CD38: variants seen among roughly 807,000 people sequenced by gnomAD.
CD38 encodes the protein ADP-ribosyl cyclase/cyclic ADP-ribose hydrolase 1.
A neutral mutation model predicts 36.3 loss-of-function variants in CD38; 31 were observed. That is an observed-to-expected ratio of 0.85 (90% confidence interval 0.64 to 1.15). The LOEUF is 1.15. Among genes scored for constraint, CD38 ranks in the 50% most tolerant of loss-of-function variants. The pLI, the probability that CD38 is intolerant of heterozygous loss-of-function variation, is 0.00. For missense variants in CD38, 380 were observed against 371.9 expected (o/e 1.02, Z -0.18); for synonymous variants, 131 against 135.2 (o/e 0.97, Z 0.22).
intron 1 of CD38, among the ~76,000 whole-genome samples, chr4:15,786,034 C>T (rs1722815150): frequency 6.6e-6 from 1 of 152,160 alleles, no homozygotes; most frequent in African/African-American, 2.4e-5. Flanking sequence ...TTGTTCGTTC[C>T]TCCTGGTGGG....
At chr4:15,787,436 C>A (rs9990613) in intron 1 of CD38, among the ~76,000 whole-genome samples, 1 of 152,004 alleles carries the variant, frequency 6.6e-6, no homozygotes, top group Non-Finnish European at 1.5e-5. Context: ...ACCTGCCATG[C>A]TGGTGTTTGG....
intron 2 of CD38, among the ~76,000 whole-genome samples, chr4:15,820,894 T>G (rs1431111934): frequency 1.3e-5 from 2 of 152,164 alleles, no homozygotes; most frequent in East Asian, 3.8e-4. Flanking sequence ...ACATTATTAT[T>G]GGTGCCACAT....
At chr4:15,807,615 T>G (rs538347654) in intron 1 of CD38, among the ~76,000 whole-genome samples, 1 of 152,196 alleles carries the variant, frequency 6.6e-6, no homozygotes, top group Non-Finnish European at 1.5e-5. Flanking sequence ...GCATGTGAGG[T>G]CCCAGAAGGA....
chr4:15,800,828 C>G (rs2148918429), intron 1 of CD38, among the ~76,000 whole-genome samples: 1 of 152,020 alleles, frequency 6.6e-6, no homozygotes, highest in Non-Finnish European at 1.5e-5. Context: ...GTAATGATTG[C>G]CTACGTCAAA....
At chr4:15,808,310 T>C (rs1723387277) in intron 1 of CD38, among the ~76,000 whole-genome samples, 1 of 152,186 alleles carries the variant, frequency 6.6e-6, no homozygotes, top group Non-Finnish European at 1.5e-5. Context: ...TTACACAGTG[T>C]GGTCTTTATC....
At chr4:15,790,784 C>A (rs1210931892) in intron 1 of CD38, among the ~76,000 whole-genome samples, 2 of 149,882 alleles carry the variant, frequency 1.3e-5, no homozygotes, top group Non-Finnish European at 3.0e-5. Context: ...CGTCTCTGCC[C>A]GGCCGCCCAT....
At chr4:15,811,172 T>C (rs974714847) in intron 1 of CD38, among the ~76,000 whole-genome samples, 23 of 152,220 alleles carry the variant, frequency 1.5e-4, no homozygotes, top group Admixed American at 2.0e-4. Flanking sequence ...ATGCAAGTCC[T>C]GAAACAGAAA....
chr4:15,798,660 A>G (rs1723151703), intron 1 of CD38, among the ~76,000 whole-genome samples: 1 of 152,198 alleles, frequency 6.6e-6, no homozygotes, highest in Non-Finnish European at 1.5e-5. Context: ...ATATGGCCAA[A>G]TGGTCACCAA....
chr4:15,779,113 G>A (rs1033713361), intron 1 of CD38, among the ~76,000 whole-genome samples: 10 of 151,992 alleles, frequency 6.6e-5, no homozygotes, highest in Admixed American at 5.2e-4. Context: ...GACGGTTACA[G>A]AGGACACTTA....
At chr4:15,797,016 A>G (rs2148917550) in intron 1 of CD38, among the ~76,000 whole-genome samples, 1 of 152,320 alleles carries the variant, frequency 6.6e-6, no homozygotes, top group Middle Eastern at 3.4e-3. Context: ...AGCATATGCT[A>G]CTTAATTTTG....
chr4:15,812,281 C>G (rs757778050), intron 1 of CD38, among the ~76,000 whole-genome samples: 7 of 152,124 alleles, frequency 4.6e-5, no homozygotes, highest in Non-Finnish European at 1.0e-4. Flanking sequence ...CTTCTGTGTT[C>G]CTTACATTTC....
intron 1 of CD38, among the ~76,000 whole-genome samples, chr4:15,804,766 A>T (rs577704088): frequency 6.6e-6 from 1 of 152,314 alleles, no homozygotes; most frequent in African/African-American, 2.4e-5. Context: ...AGAAGCTGAG[A>T]AGGGTAGGGA....
intron 2 of CD38, among the ~76,000 whole-genome samples, chr4:15,823,720 G>A (rs1723787351): frequency 6.6e-6 from 1 of 152,220 alleles, no homozygotes; most frequent in Non-Finnish European, 1.5e-5. Context: ...TGGTGGGAAT[G>A]TAAATTAGTT....
intron 1 of CD38, among the ~76,000 whole-genome samples, chr4:15,790,031 CAT>C (rs1308567557): frequency 6.6e-6 from 1 of 152,072 alleles, no homozygotes; most frequent in Non-Finnish European, 1.5e-5. Context: ...GAGAGTGAAA[CAT>C]AGAAATATCT....
chr4:15,786,394 G>T (rs1267309648), intron 1 of CD38, among the ~76,000 whole-genome samples: 2 of 152,226 alleles, frequency 1.3e-5, no homozygotes, highest in Non-Finnish European at 2.9e-5. Flanking sequence ...AGTGCTGATT[G>T]GTGTGTTTAC....
chr4:15,812,073 T>G (rs1723486900), intron 1 of CD38, among the ~76,000 whole-genome samples: 1 of 152,222 alleles, frequency 6.6e-6, no homozygotes, highest in Admixed American at 6.5e-5. Context: ...GCTGCATGAC[T>G]TAACAACTTT....
intron 1 of CD38, among the ~76,000 whole-genome samples, chr4:15,806,196 C>T (rs1723337401): frequency 2.0e-5 from 3 of 152,208 alleles, no homozygotes; most frequent in African/African-American, 7.2e-5. Flanking sequence ...GCCCCGTGCC[C>T]TCTTATCTGA....
At position 15,848,680 on chromosome 4, in the gene CD38, T is replaced by A; in HGVS notation, c.*78T>A. 1 of 1,218,766 alleles carries A rather than the reference T, an allele frequency of 8.2e-7. No homozygotes were observed. Among genetic ancestry groups the A allele is most frequent in the Non-Finnish European group, 1.2e-6 (1 of 828,344 alleles). 75.5% of individuals were successfully genotyped at this position (1,218,766 alleles called of 1,614,324 possible). On this transcript the variant is annotated 3_prime_UTR_variant, in exon 8 of 8. Transcript: ENST00000226279. ...ATACATGACTCAGCATACCTGCTGG[T>A]GCAGAGCTGAAGATTTTGGAGGGTC...
At position 15,824,517 on chromosome 4, in the gene CD38, T is replaced by C. The variant is rs570989167; in HGVS notation, c.364-364T>C. 2.7e-4 allele frequency among the ~76,000 whole-genome samples: 41 copies of C among 152,114 alleles called. No homozygotes were observed. In the South Asian group the frequency reaches 8.3e-3, roughly 31 times the overall value. On this transcript the variant is annotated intron_variant, in intron 2 of 7. Coordinates refer to ENST00000226279, the MANE Select transcript of CD38 (RefSeq NM_001775.4). ...ATCAAATAGCACATCTTCCTGAAAA[T>C]AGCACGTAGACAAAGTTTTTTTGGA... is the stretch of plus-strand genomic sequence containing the variant.
Sources: allele counts gnomAD v4.1 joint callset (sites outside exome capture counted in the v4.1 genomes callset), GRCh38; gene constraint gnomAD v4.1.1; transcripts MANE v1.5; gene names NCBI Gene and HGNC (gene_info 2026-07-23, HGNC 2026-07-21).